Variants in BCKDHA observed in about 807,000 individuals in gnomAD.
BCKDHA encodes branched chain keto acid dehydrogenase E1 subunit alpha, also known as 2-oxoisovalerate dehydrogenase subunit alpha, mitochondrial.
A neutral mutation model predicts 52.2 loss-of-function variants in BCKDHA; 43 were observed. That is an observed-to-expected ratio of 0.82 (90% confidence interval 0.64 to 1.06). The LOEUF is 1.06. Among genes scored for constraint, BCKDHA ranks in the 50% least tolerant of loss-of-function variants. The pLI is 0.00. For synonymous variants in BCKDHA, 234 were observed against 247.9 expected (o/e 0.94, Z 0.53); for missense variants, 527 against 621.3 (o/e 0.85, Z 1.61).
chr19:41,411,033 C>CG (rs754135764), intron 3 of BCKDHA, 24 bp downstream of exon 3: 135 of 1,611,816 alleles, frequency 8.4e-5, no homozygotes, highest in Non-Finnish European at 1.1e-4. Context: ...GGACTAGGGG[C>CG]GGGGGGCTGG....
chr19:41,411,347 C>T (rs1038498170), intron 3 of BCKDHA, among the ~76,000 whole-genome samples: 18 of 152,252 alleles, frequency 1.2e-4, no homozygotes, highest in African/African-American at 3.9e-4. Context: ...TGGAGTGCTC[C>T]AGGGGACCGC....
At chr19:41,409,098 C>T (rs150816076) in intron 1 of BCKDHA, among the ~76,000 whole-genome samples, 4,257 of 152,096 alleles carry the variant, frequency 0.028, 186 homozygotes, top group African/African-American at 0.097. Context: ...TACAGGTGTG[C>T]GCAACCACGC....
At chr19:41,424,048 A>C (rs985620319) in intron 8 of BCKDHA, among the ~76,000 whole-genome samples, 3 of 151,330 alleles carry the variant, frequency 2.0e-5, no homozygotes, top group Non-Finnish European at 2.9e-5. Context: ...TGGAGTGTAC[A>C]TGCCCTGCCC....
At position 41,400,492 on chromosome 19, in the gene BCKDHA, G is replaced by T. The variant is rs185820173; in HGVS notation, c.108+2557G>T. On this transcript the variant is annotated intron_variant, in intron 1 of 8. Coordinates refer to ENST00000269980, the MANE Select transcript of BCKDHA (RefSeq NM_000709.4). ...TGATCTAAGGTGATCTGCCCGCCTC[G>T]GCCTCCCAAAGTGCTGGGATTACAG... The T allele has an allele frequency of 8.9e-3, 1,333 of 150,346 alleles. 20 individuals carry two copies. The highest frequency in any genetic ancestry group is 0.027 in the South Asian group (131 of 4,774). 9.3% of individuals were successfully genotyped at this position (150,346 alleles called of 1,614,324 possible).
At chr19:41,410,857 C>T in intron 2 of BCKDHA, 41 bp downstream of exon 2, 1 of 1,613,648 alleles carries the variant, frequency 6.2e-7, no homozygotes, top group Admixed American at 1.7e-5. Flanking sequence ...CCCCCACGCC[C>T]AGGCCCCTTG....
Position 41,422,163 on chromosome 19 carries a change from G to C in BCKDHA, c.647-1G>C, listed in dbSNP as rs753216964. 14 of 1,613,108 alleles carry C rather than the reference G, an allele frequency of 8.7e-6. No individual in the cohort carries two copies. The highest frequency in any genetic ancestry group is 1.7e-4 in the Middle Eastern group (1 of 5,874). ...GCTCACCACCCTCTCATCCCCTGCA[G>C]CGGTGGGGGCGGCGTACGCAGCCAA... On this transcript the variant is annotated splice_acceptor_variant, in intron 5 of 8. Coordinates refer to ENST00000269980, the MANE Select transcript of BCKDHA (RefSeq NM_000709.4). LOFTEE classifies it high-confidence loss of function.
chr19:41,420,994 C>T (rs2064134697), intron 5 of BCKDHA, among the ~76,000 whole-genome samples: 1 of 152,164 alleles, frequency 6.6e-6, no homozygotes, highest in Non-Finnish European at 1.5e-5. Flanking sequence ...GCACTGTGCC[C>T]AGCACAGCAG....
At chr19:41,416,240 G>A (rs1386309760) in intron 4 of BCKDHA, among the ~76,000 whole-genome samples, 4 of 152,076 alleles carry the variant, frequency 2.6e-5, no homozygotes, top group African/African-American at 9.7e-5. Flanking sequence ...CCACCGCGCC[G>A]GGCCAGCCAA....
intron 1 of BCKDHA, among the ~76,000 whole-genome samples, chr19:41,401,425 G>C (rs947292275): frequency 6.6e-6 from 1 of 152,150 alleles, no homozygotes; most frequent in African/African-American, 2.4e-5. Context: ...GTCAGGGAAA[G>C]GTTGAGAGGC....
intron 8 of BCKDHA, among the ~76,000 whole-genome samples, chr19:41,423,385 G>C (rs2039391604): frequency 6.6e-6 from 1 of 152,208 alleles, no homozygotes; most frequent in African/African-American, 2.4e-5. Flanking sequence ...GGGGATGCTG[G>C]TGGTGCCCAT....
Position 41,419,296 on chromosome 19 carries a change from G to T in BCKDHA, c.646G>T (p.Ala216Ser). The T allele has an allele frequency of 4.3e-6, 7 of 1,612,318 alleles. No homozygotes were observed. The highest frequency in any genetic ancestry group is 5.9e-6 in the Non-Finnish European group (7 of 1,179,154). The change falls in exon 5 of 9, where the codon GCG (alanine) becomes TCG (serine). Residue 216 changes from alanine to serine, a missense_variant and splice_region_variant. Ala to Ser is a moderately conservative substitution (Grantham distance 99, BLOSUM62 1). Transcript: ENST00000269980. ...SSPLATQIPQ[A>S]VGAAYAAKRA... ...TCCACTGGCCACGCAGATCCCTCAG[G>T]GTGAGGATGCATGCCCTGTACCTTG... is the stretch of plus-strand genomic sequence containing the variant.
rs556055048 is a variant in BCKDHA at position 41,402,801 on chromosome 19, C to T, written c.108+4866C>T. Among the ~76,000 whole-genome samples, 25 of 152,110 alleles carry T rather than the reference C, an allele frequency of 1.6e-4. 1 individual carries two copies. The highest frequency in any genetic ancestry group is 6.8e-3 in the Middle Eastern group (2 of 294). On this transcript the variant is annotated intron_variant, in intron 1 of 8. Coordinates refer to ENST00000269980, the MANE Select transcript of BCKDHA (RefSeq NM_000709.4). The stretch of plus-strand genomic sequence containing the variant: ...GACTACAGGTGTGTGCCACCGTGTC[C>T]GGCTAATTTTTATATTTTTAATAGA...
chr19:41,420,240 C>A (rs1010196076), intron 5 of BCKDHA, among the ~76,000 whole-genome samples: 3 of 152,238 alleles, frequency 2.0e-5, no homozygotes, highest in Admixed American at 6.5e-5. Flanking sequence ...GCACCAGGTT[C>A]CACTGTGCCA....
At chr19:41,412,450 C>T (rs12709849) in intron 3 of BCKDHA, among the ~76,000 whole-genome samples, 80,610 of 141,320 alleles carry the variant, frequency 0.57, 23,221 homozygotes, top group Middle Eastern at 0.61. Context: ...TGCAATGGCA[C>T]GATCTTGGCT....
chr19:41,424,497 C>G lies in BCKDHA; in HGVS notation c.1227C>G (p.Phe409Leu), dbSNP rs2098470870. 3 of 1,614,184 alleles carry G rather than the reference C, an allele frequency of 1.9e-6. No individual in the cohort carries two copies. The highest frequency in any genetic ancestry group is 2.5e-6 in the Non-Finnish European group (3 of 1,180,040). ...CCAAACCCAACCCCAACCTACTCTT[C>G]TCAGACGTGTATCAGGAGATGCCCG... Reference protein sequence around the residue: ...RKPKPNPNLLFSDVYQEMPAQ... With the variant: ...RKPKPNPNLLLSDVYQEMPAQ... Residue 409 changes from phenylalanine to leucine, a missense_variant, in exon 9 of 9, where the codon TTC becomes TTG. By Grantham distance (22) the Phe-to-Leu change is conservative. Coordinates refer to ENST00000269980, the MANE Select transcript of BCKDHA (RefSeq NM_000709.4).
intron 1 of BCKDHA, among the ~76,000 whole-genome samples, chr19:41,398,768 A>G (rs1331396447): frequency 6.6e-6 from 1 of 152,216 alleles, no homozygotes; most frequent in African/African-American, 2.4e-5. Flanking sequence ...GTTGACAGAT[A>G]GGAGAGTAGT....
chr19:41,419,445 A>G lies in BCKDHA; in HGVS notation c.646+149A>G, dbSNP rs78727437. 1.6e-3 allele frequency: 1,763 copies of G among 1,109,680 alleles called. 29 individuals carry two copies. In the African/African-American group the frequency reaches 0.025, roughly 15 times the overall value. The allele number at this position is 1,109,680 out of a possible 1,614,324, so 68.7% of individuals were successfully genotyped here. On this transcript the variant is annotated intron_variant, in intron 5 of 8. Transcript: ENST00000269980. The stretch of plus-strand genomic sequence containing the variant: ...TCTGTGCTCCAGACTTCTTCTTCTT[A>G]TTTTTTTCTTTTTTGAGACGGAGTC...
At chr19:41,416,707 C>T (rs2039311729) in intron 4 of BCKDHA, among the ~76,000 whole-genome samples, 1 of 152,032 alleles carries the variant, frequency 6.6e-6, no homozygotes, top group South Asian at 2.1e-4. Context: ...ATTGCTTGAG[C>T]CCAGGAGTTT....
chr19:41,413,991 T>A, intron 3 of BCKDHA, 58 bp from the exon 4 acceptor site: 1 of 1,428,196 alleles, frequency 7.0e-7, no homozygotes. Context: ...TTTGGATGGC[T>A]CTCTGTCATT....
Sources: gnomAD v4.1 joint callset for allele counts (sites outside exome capture counted in the v4.1 genomes callset) on GRCh38, gnomAD v4.1.1 for gene constraint, MANE v1.5 for transcripts, NCBI Gene and HGNC (gene_info 2026-07-23, HGNC 2026-07-21) for gene names.